The following PTPRN2 variants were observed in gnomAD, a reference collection of about 807,000 sequenced individuals.
PTPRN2 encodes the protein protein tyrosine phosphatase receptor type N2.
Under a neutral mutation model 118.8 loss-of-function variants are expected in PTPRN2, and 74 were observed. The ratio of observed to expected loss-of-function variants is 0.62; its 90% CI spans 0.52 to 0.76. The LOEUF is 0.76. Among genes scored for constraint, PTPRN2 ranks in the 30% least tolerant of loss-of-function variants. The pLI is 0.00. For synonymous variants in PTPRN2, 641 were observed against 608.0 expected (o/e 1.05, Z -0.80); for missense variants, 1,481 against 1,394.4 (o/e 1.06, Z -0.99).
At chr7:158,192,937 C>T (rs1235800227) in intron 4 of PTPRN2, among the ~76,000 whole-genome samples, 1 of 152,088 alleles carries the variant, frequency 6.6e-6, no homozygotes, top group African/African-American at 2.4e-5. Context: ...AGGTGGCGGC[C>T]CAGAAGCTGG....
chr7:158,149,642 A>G (rs1820729068), intron 6 of PTPRN2, among the ~76,000 whole-genome samples: 1 of 152,052 alleles, frequency 6.6e-6, no homozygotes, highest in Non-Finnish European at 1.5e-5. Context: ...CATCTCTACT[A>G]AAAATACAAA....
At chr7:157,771,225 A>G (rs1802783645) in intron 12 of PTPRN2, among the ~76,000 whole-genome samples, 1 of 152,230 alleles carries the variant, frequency 6.6e-6, no homozygotes, top group Non-Finnish European at 1.5e-5. Context: ...CGAGCCCTCC[A>G]GCCCCCTTGG....
chr7:157,855,663 C>G (rs772963235), intron 12 of PTPRN2, among the ~76,000 whole-genome samples: 1 of 152,140 alleles, frequency 6.6e-6, no homozygotes, highest in Non-Finnish European at 1.5e-5. Flanking sequence ...CCGGCGGGAG[C>G]GTTAGAGCTG....
intron 11 of PTPRN2, among the ~76,000 whole-genome samples, chr7:157,936,083 C>T (rs866916467): frequency 5.3e-5 from 8 of 152,206 alleles, no homozygotes; most frequent in Admixed American, 1.3e-4. Flanking sequence ...CTGTGTGCTT[C>T]GCAATCCGAA....
chr7:158,102,815 T>C (rs1815344732), intron 10 of PTPRN2, among the ~76,000 whole-genome samples: 1 of 152,082 alleles, frequency 6.6e-6, no homozygotes, highest in Non-Finnish European at 1.5e-5. Flanking sequence ...AGATAGGCAC[T>C]GAGGAGCTGA....
chr7:157,781,262 TCTC>T (rs1480256363), intron 12 of PTPRN2, among the ~76,000 whole-genome samples: 1 of 152,148 alleles, frequency 6.6e-6, no homozygotes, highest in Non-Finnish European at 1.5e-5. Context: ...GTTATTATCA[TCTC>T]CTCAAAGTGG....
At chr7:158,514,655 C>G (rs1056177376) in intron 1 of PTPRN2, among the ~76,000 whole-genome samples, 5 of 152,180 alleles carry the variant, frequency 3.3e-5, no homozygotes, top group African/African-American at 7.2e-5. Flanking sequence ...AGAAGGATAC[C>G]TACTTTCCAA....
chr7:158,211,117 C>A (rs1239543839), intron 3 of PTPRN2, among the ~76,000 whole-genome samples: 1 of 152,122 alleles, frequency 6.6e-6, no homozygotes, highest in Non-Finnish European at 1.5e-5. Context: ...GACTGGATAA[C>A]CACATGCAGA....
In PTPRN2 at chr7:158,022,794, A is replaced by G. The variant is rs1187164298; in HGVS notation, c.1723+58504T>C. Among the ~76,000 whole-genome samples, 1 of 152,286 alleles carries G rather than the reference A, an allele frequency of 6.6e-6. No homozygotes were observed. The highest frequency in any genetic ancestry group is 1.5e-5 in the Non-Finnish European group (1 of 68,052). Reference sequence around the variant, plus strand: ...CATGAGTCTGGAATGCGTTCTGAGCACCCCTGGAGCAGGGCACTGTTGGGT... The same window carrying G: ...CATGAGTCTGGAATGCGTTCTGAGCGCCCCTGGAGCAGGGCACTGTTGGGT... On this transcript the variant is annotated intron_variant, in intron 11 of 22. Transcript: ENST00000389418. This position sits in a 1 kb window ranked among gnomAD's most constrained non-coding sequence, Gnocchi z 4.6.
intron 3 of PTPRN2, among the ~76,000 whole-genome samples, chr7:158,313,125 T>C (rs1802009459): frequency 6.6e-6 from 1 of 151,364 alleles, no homozygotes. Context: ...TGCAAATGTG[T>C]CTGTGTCTAC....
chr7:158,101,862 A>C (rs1276447103), intron 10 of PTPRN2, among the ~76,000 whole-genome samples: 1 of 151,952 alleles, frequency 6.6e-6, no homozygotes, highest in Non-Finnish European at 1.5e-5. Context: ...ATTCTGGCCC[A>C]CCCTCTCCCA....
intron 3 of PTPRN2, among the ~76,000 whole-genome samples, chr7:158,249,967 C>T (rs73520561): frequency 0.021 from 3,149 of 152,160 alleles, 118 homozygotes; most frequent in African/African-American, 0.071. Flanking sequence ...GTTGGATGCA[C>T]GACACACACA....
intron 7 of PTPRN2, among the ~76,000 whole-genome samples, chr7:158,137,046 G>A (rs1013301861): frequency 2.6e-5 from 4 of 152,108 alleles, no homozygotes; most frequent in Non-Finnish European, 4.4e-5. Context: ...TGAAGCCTTC[G>A]CCAAAACCAC....
chr7:158,244,726 AAG>A (rs1796096151), intron 3 of PTPRN2, among the ~76,000 whole-genome samples: 1 of 53,046 alleles, frequency 1.9e-5, no homozygotes, highest in African/African-American at 9.4e-5. Flanking sequence ...GTTAGAGTGA[AAG>A]TGTGTGTGTG....
chr7:157,866,804 G>A (rs1449356226), intron 12 of PTPRN2, among the ~76,000 whole-genome samples: 41 of 32,820 alleles, frequency 1.2e-3, no homozygotes, highest in Non-Finnish European at 2.0e-3. Context: ...CCCCGCCCCC[G>A]ACGCCCTGGA....
intron 1 of PTPRN2, among the ~76,000 whole-genome samples, chr7:158,554,589 T>C (rs1003882234): frequency 2.0e-5 from 3 of 152,210 alleles, no homozygotes; most frequent in African/African-American, 7.2e-5. Flanking sequence ...TCTCAGCTTG[T>C]TCTGGGCACA....
At chr7:158,013,645 CCATCATT>C (rs1806204978) in intron 11 of PTPRN2, among the ~76,000 whole-genome samples, 1 of 151,992 alleles carries the variant, frequency 6.6e-6, no homozygotes, top group Non-Finnish European at 1.5e-5. Flanking sequence ...CATCTATCAT[CCATCATT>C]CATCATCTGT....
chr7:158,583,385 G>C (rs1278027152), intron 1 of PTPRN2, among the ~76,000 whole-genome samples: 1 of 152,086 alleles, frequency 6.6e-6, no homozygotes, highest in Non-Finnish European at 1.5e-5. Context: ...ATAGCACACA[G>C]AGATTCCCGC....
At chr7:158,098,927 G>A (rs1201913173) in intron 10 of PTPRN2, among the ~76,000 whole-genome samples, 2 of 151,816 alleles carry the variant, frequency 1.3e-5, no homozygotes, top group Non-Finnish European at 2.9e-5. Context: ...AGGGGAGCCG[G>A]GCTTCTCAGC....
Sources: gnomAD v4.1 joint callset for allele counts (sites outside exome capture counted in the v4.1 genomes callset) on GRCh38, gnomAD v4.1.1 for gene constraint, Gnocchi (gnomAD v3.1) non-coding constraint, MANE v1.5 for transcripts, NCBI Gene and HGNC (gene_info 2026-07-23, HGNC 2026-07-21) for gene names.